SMARCB1: variants seen among roughly 807,000 people sequenced by gnomAD.
The protein encoded by SMARCB1 is SWI/SNF related BAF chromatin remodeling complex subunit B1.
A neutral mutation model predicts 49.0 loss-of-function variants in SMARCB1; 5 were observed. That is an observed-to-expected ratio of 0.10 (90% CI 0.05 to 0.21). SMARCB1 has a LOEUF of 0.21. Among genes scored for constraint, SMARCB1 ranks in the 10% least tolerant of loss-of-function variants. The probability of loss-of-function intolerance (pLI) is 1.00; values close to 1 mark genes in which losing one functional copy is unlikely to be tolerated. For missense variants in SMARCB1, 226 were observed against 509.2 expected, an observed-to-expected ratio of 0.44 and a Z score of 5.35; for synonymous variants, 201 against 200.1, an observed-to-expected ratio of 1.00 and a Z score of -0.04.
At chr22:23,790,263 A>G (rs893654221) in intron 1 of SMARCB1, among the ~76,000 whole-genome samples, 1 of 152,178 alleles carries the variant, frequency 6.6e-6, no homozygotes, top group Non-Finnish European at 1.5e-5. Context: ...ATGATACTGG[A>G]TGATACTGAC....
At chr22:23,830,748 G>T (rs575574037) in intron 7 of SMARCB1, among the ~76,000 whole-genome samples, 1 of 138,938 alleles carries the variant, frequency 7.2e-6, no homozygotes, top group Non-Finnish European at 1.5e-5. Flanking sequence ...TGCATCCTCC[G>T]CCTCCTGAGT....
At chr22:23,789,997 C>T (rs897726643) in intron 1 of SMARCB1, among the ~76,000 whole-genome samples, 7 of 152,154 alleles carry the variant, frequency 4.6e-5, no homozygotes, top group Admixed American at 2.6e-4. Flanking sequence ...TTTACCAAGC[C>T]GGAGTCATGG....
At chr22:23,816,479 G>A (rs1930202622) in intron 5 of SMARCB1, 1 of 570,990 alleles carries the variant, frequency 1.8e-6, no homozygotes. Flanking sequence ...CTCATTAGTT[G>A]GGATAATCTC....
intron 5 of SMARCB1, among the ~76,000 whole-genome samples, chr22:23,805,221 G>C (rs1208214641): frequency 6.6e-6 from 1 of 152,168 alleles, no homozygotes; most frequent in Admixed American, 6.5e-5. Context: ...CAGCTGGTGA[G>C]GGGGGACGCC....
intron 6 of SMARCB1, among the ~76,000 whole-genome samples, chr22:23,821,317 G>T (rs143682210): frequency 1.3e-5 from 2 of 152,246 alleles, no homozygotes; most frequent in African/African-American, 4.8e-5. Flanking sequence ...CCTGGGCACC[G>T]TGACCCTGGG....
In SMARCB1 at chr22:23,837,253, G is replaced by A. The variant is rs759190152; in HGVS notation, c.*3073G>A. The A allele has an allele frequency of 1.7e-5, 25 of 1,443,852 alleles. No homozygotes were observed. The South Asian group carries it at 3.0e-4, about 17-fold the overall frequency. 89.4% of individuals were successfully genotyped at this position (1,443,852 alleles called of 1,614,324 possible). On this transcript the variant is annotated 3_prime_UTR_variant, in exon 9 of 9. Coordinates refer to ENST00000644036, the MANE Select transcript of SMARCB1 (RefSeq NM_003073.5). Reference sequence around the variant, plus strand: ...CCCCCATCCACAGCCTGGTGGCCCTGCAGGCCCCACAGCATGAGTGCCCCA... The same window carrying A: ...CCCCCATCCACAGCCTGGTGGCCCTACAGGCCCCACAGCATGAGTGCCCCA...
At chr22:23,800,571 C>T (rs931256775) in intron 3 of SMARCB1, among the ~76,000 whole-genome samples, 13 of 152,192 alleles carry the variant, frequency 8.5e-5, no homozygotes, top group African/African-American at 2.9e-4. Flanking sequence ...GCCCGTGCCC[C>T]TCCCCGCAGT....
chr22:23,790,280 G>A (rs1325607562), intron 1 of SMARCB1, among the ~76,000 whole-genome samples: 4 of 152,224 alleles, frequency 2.6e-5, no homozygotes, highest in Non-Finnish European at 5.9e-5. Context: ...TGACACACAA[G>A]CCAAATAACA....
rs1928063005 is a variant in SMARCB1, at chr22:23,787,356, G to A, written c.93+94G>A. 4 of 598,060 alleles carry A rather than the reference G, an allele frequency of 6.7e-6. No homozygotes were observed. In the East Asian group the frequency reaches 1.1e-4, roughly 16 times the overall value. 37.0% of individuals were successfully genotyped at this position (598,060 alleles called of 1,614,324 possible). A position where few individuals can be genotyped will look rare whatever the true frequency, so the allele number is the denominator to read the frequency against. ...CCGAGAGCGCGCGTCTCCATTCATC[G>A]GGGCGGGCGGGCGCGCGCGCGCGCG... On this transcript the variant is annotated intron_variant, in intron 1 of 8. Coordinates refer to ENST00000644036, the MANE Select transcript of SMARCB1 (RefSeq NM_003073.5).
rs1165102891 is a variant in SMARCB1, at chr22:23,834,797, C to G, written c.*617C>G. On this transcript the variant is annotated 3_prime_UTR_variant, in exon 9 of 9. Transcript: ENST00000644036. ...CAAGAGGCTCTCTGCCTTTCAGGAA[C>G]AGCCCTAACCCTGCTCCCCTTGCTT... 1 of 1,589,624 alleles carries G rather than the reference C, an allele frequency of 6.3e-7. No homozygotes were observed. The highest frequency in any genetic ancestry group is 8.6e-7 in the Non-Finnish European group (1 of 1,169,584).
At chr22:23,791,047 A>C (rs1928345796) in intron 1 of SMARCB1, among the ~76,000 whole-genome samples, 1 of 152,190 alleles carries the variant, frequency 6.6e-6, no homozygotes, top group East Asian at 1.9e-4. Context: ...CCTGGCACCC[A>C]GTCTATTGGC....
chr22:23,821,243 A>T (rs1163801624), intron 6 of SMARCB1, among the ~76,000 whole-genome samples: 1 of 152,222 alleles, frequency 6.6e-6, no homozygotes, highest in Non-Finnish European at 1.5e-5. Context: ...CACAGGGTGG[A>T]CACAGCTGGC....
chr22:23,787,151 G>T lies in SMARCB1; in HGVS notation c.-19G>T. 1 of 1,569,492 alleles carries T rather than the reference G, an allele frequency of 6.4e-7. No homozygotes were observed. The highest frequency in any genetic ancestry group is 8.7e-7 in the Non-Finnish European group (1 of 1,143,262). On this transcript the variant is annotated 5_prime_UTR_variant, in exon 1 of 9. Transcript: ENST00000644036. ...GATCCCTCGCAGCCCGGCTCCGGCCGCCCGCCTCTGCCGCCGCAATGATGA... is the reference window on the plus strand; with the variant it reads ...GATCCCTCGCAGCCCGGCTCCGGCCTCCCGCCTCTGCCGCCGCAATGATGA...
chr22:23,802,679 G>T (rs2145981666), intron 4 of SMARCB1: 2 of 185,392 alleles, frequency 1.1e-5, no homozygotes, highest in South Asian at 2.2e-4. Context: ...TAGGTGTCCT[G>T]TGTCCTCCAG....
At chr22:23,818,326 G>C (rs1340561360) in intron 6 of SMARCB1, 1 of 151,130 alleles carries the variant, frequency 6.6e-6, no homozygotes, top group African/African-American at 2.4e-5. Context: ...CTAATTTTTT[G>C]TATTTTTTAT....
At chr22:23,822,051 T>C (rs568706111) in intron 6 of SMARCB1, among the ~76,000 whole-genome samples, 2 of 152,258 alleles carry the variant, frequency 1.3e-5, no homozygotes, top group African/African-American at 4.8e-5. Context: ...TCCTGGAACA[T>C]GACTGAAGGA....
intron 3 of SMARCB1, among the ~76,000 whole-genome samples, chr22:23,796,829 G>A (rs1191618211): frequency 6.6e-6 from 1 of 152,136 alleles, no homozygotes; most frequent in East Asian, 1.9e-4. Context: ...CTTTAGGGGT[G>A]GGGGCTGGCA....
Position 23,835,890 on chromosome 22 carries a change from C to G in SMARCB1, c.*1710C>G. On this transcript the variant is annotated 3_prime_UTR_variant, in exon 9 of 9. Transcript: ENST00000644036. ...CACTCCTGACCGCCAGCTCACACCG[C>G]CGCAAAGCCATCTCCACAAGGTCTG... 1.0e-6 allele frequency: 1 copy of G among 985,494 alleles called. No individual in the cohort carries two copies. The highest frequency in any genetic ancestry group is 4.7e-5 in the South Asian group (1 of 21,286). The allele number at this position is 985,494 out of a possible 1,614,324, so 61.0% of individuals were successfully genotyped here. A position where few individuals can be genotyped will look rare whatever the true frequency, so the allele number is the denominator to read the frequency against.
At chr22:23,820,886 G>A (rs1283305300) in intron 6 of SMARCB1, among the ~76,000 whole-genome samples, 3 of 152,170 alleles carry the variant, frequency 2.0e-5, no homozygotes, top group Non-Finnish European at 2.9e-5. Context: ...ACATGTGGAG[G>A]ATGAGGCTGT....
Sources: gnomAD v4.1 joint callset for allele counts (sites outside exome capture counted in the v4.1 genomes callset) on GRCh38, gnomAD v4.1.1 for gene constraint, MANE v1.5 for transcripts, NCBI Gene and HGNC (gene_info 2026-07-23, HGNC 2026-07-21) for gene names.